The following SLC71A2 variants were observed in gnomAD, a reference collection of about 807,000 sequenced individuals.
The protein encoded by SLC71A2 is solute carrier family 71 member 2, also known as hippocampus abundant transcript-like 1.
At chr9:94,435,074 A>T in the SLC71A2 span, among the ~76,000 whole-genome samples, 1 of 152,074 alleles carries the variant, frequency 6.6e-6, no homozygotes, top group African/African-American at 2.4e-5. Flanking sequence ...CCTCACTTTC[A>T]TCTTTCTTGG....
At chr9:94,455,785 T>C in the SLC71A2 span, among the ~76,000 whole-genome samples, 1 of 152,118 alleles carries the variant, frequency 6.6e-6, no homozygotes, top group African/African-American at 2.4e-5. Context: ...TTTTTCCAGT[T>C]GGGGGCACAC....
the SLC71A2 span, among the ~76,000 whole-genome samples, chr9:94,442,050 G>A: frequency 1.3e-5 from 2 of 152,148 alleles, no homozygotes; most frequent in Admixed American, 1.3e-4. Flanking sequence ...AGTATGCTTG[G>A]TACCCTTCTC....
At chr9:94,383,133 G>GT in the SLC71A2 span, among the ~76,000 whole-genome samples, 3 of 131,224 alleles carry the variant, frequency 2.3e-5, no homozygotes, top group African/African-American at 8.2e-5. Context: ...TGAAAAATAT[G>GT]TTTTTATTCA....
chr9:94,456,853 T>C, the SLC71A2 span, among the ~76,000 whole-genome samples: 11 of 152,110 alleles, frequency 7.2e-5, no homozygotes, highest in African/African-American at 2.4e-4. Context: ...ATGTGGAAAA[T>C]AGCATTCTAC....
At chr9:94,379,890 C>T in the SLC71A2 span, among the ~76,000 whole-genome samples, 1 of 152,154 alleles carries the variant, frequency 6.6e-6, no homozygotes, top group Non-Finnish European at 1.5e-5. Flanking sequence ...AACAGGAATA[C>T]ATTAATTTTT....
chr9:94,453,898 CT>C, the SLC71A2 span: 1 of 1,135,326 alleles, frequency 8.8e-7, no homozygotes, highest in Non-Finnish European at 1.3e-6. Context: ...ACACACAGAG[CT>C]TGTATTTTAA....
At chr9:94,424,638 C>T in the SLC71A2 span, among the ~76,000 whole-genome samples, 1 of 150,792 alleles carries the variant, frequency 6.6e-6, no homozygotes, top group Non-Finnish European at 1.5e-5. Context: ...ATCAGCTCTT[C>T]AATACCCACA....
At chr9:94,433,817 A>T in the SLC71A2 span, among the ~76,000 whole-genome samples, 8 of 152,188 alleles carry the variant, frequency 5.3e-5, no homozygotes, top group Admixed American at 6.5e-5. Context: ...CGAATTCAGA[A>T]TGGAAAGTAG....
At chr9:94,451,071 C>CA in the SLC71A2 span, among the ~76,000 whole-genome samples, 4 of 152,084 alleles carry the variant, frequency 2.6e-5, no homozygotes, top group Non-Finnish European at 5.9e-5. Flanking sequence ...AATGTGCAGG[C>CA]AAAGTTGAGA....
chr9:94,405,870 G>C, the SLC71A2 span, among the ~76,000 whole-genome samples: 23 of 150,812 alleles, frequency 1.5e-4, no homozygotes, highest in African/African-American at 5.4e-4. Context: ...TGAATCTGCA[G>C]ATCACTTTTG....
At chr9:94,384,763 A>G in the SLC71A2 span, among the ~76,000 whole-genome samples, 1 of 152,262 alleles carries the variant, frequency 6.6e-6, no homozygotes, top group Admixed American at 6.5e-5. Flanking sequence ...TTTGAAACTT[A>G]ATTGCCATTG....
At chr9:94,425,407 G>A in the SLC71A2 span, among the ~76,000 whole-genome samples, 2 of 152,148 alleles carry the variant, frequency 1.3e-5, no homozygotes, top group East Asian at 3.8e-4. Context: ...CTATTGAAGA[G>A]CTGATTATAA....
At chr9:94,456,909 C>CT in the SLC71A2 span, among the ~76,000 whole-genome samples, 1 of 152,052 alleles carries the variant, frequency 6.6e-6, no homozygotes, top group Non-Finnish European at 1.5e-5. Flanking sequence ...GCTTCCCTTC[C>CT]TGTCCTGTCT....
At chr9:94,377,627 C>T in the SLC71A2 span, among the ~76,000 whole-genome samples, 6 of 151,420 alleles carry the variant, frequency 4.0e-5, no homozygotes, top group Non-Finnish European at 7.4e-5. Context: ...AAATGATCCT[C>T]CTGTCTCAGC....
At chr9:94,443,272 A>G in the SLC71A2 span, among the ~76,000 whole-genome samples, 1 of 152,144 alleles carries the variant, frequency 6.6e-6, no homozygotes, top group Non-Finnish European at 1.5e-5. Context: ...GACGGCACTT[A>G]GCTGAAGTGT....
chr9:94,384,926 T>G, the SLC71A2 span, among the ~76,000 whole-genome samples: 1 of 151,938 alleles, frequency 6.6e-6, no homozygotes, highest in African/African-American at 2.4e-5. Flanking sequence ...AGTAGGTTCC[T>G]TATAAAATAA....
chr9:94,446,790 C>A, the SLC71A2 span: 1 of 1,119,858 alleles, frequency 8.9e-7, no homozygotes, highest in Non-Finnish European at 1.4e-6. Context: ...TGTGTATTGG[C>A]ATTTTAAGTG....
chr9:94,431,329 T>A, the SLC71A2 span, among the ~76,000 whole-genome samples: 1,206 of 151,462 alleles, frequency 8.0e-3, 18 homozygotes, highest in African/African-American at 0.028. Context: ...AAAAAAAAAA[T>A]TATGCCCTAG....
At chr9:94,402,022 T>C in the SLC71A2 span, among the ~76,000 whole-genome samples, 2 of 152,322 alleles carry the variant, frequency 1.3e-5, no homozygotes, top group African/African-American at 4.8e-5. Flanking sequence ...GGTGGGAGTA[T>C]AGCAGTGACG....
Sources: gnomAD v4.1 joint callset for allele counts (sites outside exome capture counted in the v4.1 genomes callset) on GRCh38, gnomAD v4.1.1 for gene constraint, MANE v1.5 for transcripts, NCBI Gene and HGNC (gene_info 2026-07-23, HGNC 2026-07-21) for gene names.